Variants in PUS10 observed in about 807,000 individuals in gnomAD.
The protein encoded by PUS10 is tRNA pseudouridine synthase Pus10.
PUS10 carries 59 observed loss-of-function variants against 75.0 expected under a neutral mutation model. The ratio of observed to expected loss-of-function variants is 0.79; its 90% CI spans 0.64 to 0.98. PUS10 has a LOEUF of 0.98. Among genes scored for constraint, PUS10 ranks in the 50% least tolerant of loss-of-function variants. The pLI is 0.00. For synonymous variants in PUS10, 219 were observed against 211.6 expected, an observed-to-expected ratio of 1.03 and a Z score of -0.30; for missense variants, 650 against 614.4, an observed-to-expected ratio of 1.06 and a Z score of -0.61.
chr2:60,992,343 T>A (rs891609679), intron 4 of PUS10, among the ~76,000 whole-genome samples: 13 of 151,492 alleles, frequency 8.6e-5, no homozygotes, highest in East Asian at 3.9e-4. Context: ...TGTCTACATT[T>A]AAAAAAAAAT....
At chr2:61,014,296 T>G (rs1365706965) in intron 1 of PUS10, among the ~76,000 whole-genome samples, 3 of 151,900 alleles carry the variant, frequency 2.0e-5, no homozygotes, top group African/African-American at 7.3e-5. Flanking sequence ...GAGAATCACT[T>G]GAACCCCAGG....
intron 4 of PUS10, among the ~76,000 whole-genome samples, chr2:60,985,251 G>A (rs1677645038): frequency 6.6e-6 from 1 of 152,008 alleles, no homozygotes; most frequent in Non-Finnish European, 1.5e-5. Context: ...ATATTTGCTT[G>A]GGTACTATTA....
intron 4 of PUS10, among the ~76,000 whole-genome samples, chr2:60,987,226 G>A (rs77825553): frequency 1.3e-5 from 2 of 152,284 alleles, no homozygotes; most frequent in East Asian, 1.9e-4. Flanking sequence ...TGTGCAAGAC[G>A]TAATGAATGA....
chr2:60,992,357 T>A (rs1186020390), intron 4 of PUS10, among the ~76,000 whole-genome samples: 1 of 152,114 alleles, frequency 6.6e-6, no homozygotes, highest in Non-Finnish European at 1.5e-5. Context: ...AAAAAATGTT[T>A]TGGAATACAA....
At chr2:61,007,793 A>G (rs906208876) in intron 3 of PUS10, among the ~76,000 whole-genome samples, 1 of 151,380 alleles carries the variant, frequency 6.6e-6, no homozygotes, top group African/African-American at 2.4e-5. Flanking sequence ...AACAGAAAAA[A>G]AAAAGAATTT....
chr2:61,006,694 A>G, intron 3 of PUS10, 51 bp from the exon 4 acceptor site: 2 of 1,386,408 alleles, frequency 1.4e-6, no homozygotes, highest in South Asian at 2.4e-5. Flanking sequence ...TGAAAATATT[A>G]CTTACCCTAA....
At chr2:60,946,306 T>C (rs187111169) in intron 16 of PUS10, among the ~76,000 whole-genome samples, 235 of 152,346 alleles carry the variant, frequency 1.5e-3, no homozygotes, top group Non-Finnish European at 2.8e-3. Context: ...AAGGTATATA[T>C]AAAGTAAATT....
chr2:60,972,073 T>C (rs1003355207), intron 4 of PUS10, among the ~76,000 whole-genome samples: 2 of 148,898 alleles, frequency 1.3e-5, no homozygotes, highest in African/African-American at 4.9e-5. Context: ...TTCACCATGT[T>C]GGCCAGGCTG....
intron 1 of PUS10, among the ~76,000 whole-genome samples, chr2:61,016,804 C>T (rs568802512): frequency 1.3e-5 from 2 of 152,292 alleles, no homozygotes; most frequent in East Asian, 1.9e-4. Flanking sequence ...GACTGAGTCT[C>T]ATATCCTAAG....
intron 3 of PUS10, among the ~76,000 whole-genome samples, chr2:61,006,975 G>C (rs1463214822): frequency 6.6e-6 from 1 of 151,930 alleles, no homozygotes; most frequent in East Asian, 1.9e-4. Context: ...CAAACAAAAG[G>C]CAATCCCACA....
At chr2:60,974,248 GCT>G (rs1488958960) in intron 4 of PUS10, among the ~76,000 whole-genome samples, 1 of 118,932 alleles carries the variant, frequency 8.4e-6, no homozygotes, top group Non-Finnish European at 1.6e-5. Context: ...ATGGAGTCTT[GCT>G]CTGTCACCAG....
At position 61,008,903 on chromosome 2, in the gene PUS10, A is replaced by G. The variant is rs554460023; in HGVS notation, c.239T>C (p.Ile80Thr). ...KIRLQELEDS[I>T]DNLSQNGEGR... ...CTCTCCATTTTGACTTAGATTATCA[A>G]TACTATCTTCCAGTTCTTGCAGTCG... Residue 80 changes from isoleucine (I) to threonine (T), a missense_variant, in exon 3 of 18, where the codon ATT becomes ACT. Coordinates refer to ENST00000316752, the MANE Select transcript of PUS10 (RefSeq NM_144709.4). 5.0e-6 allele frequency: 8 copies of G among 1,613,962 alleles called. No individual in the cohort carries two copies. Among genetic ancestry groups the G allele is most frequent in the Admixed American group, 3.3e-5 (2 of 60,020 alleles).
At chr2:60,971,446 G>A (rs1676656181) in intron 5 of PUS10, 77 bp downstream of exon 5, 1 of 1,249,302 alleles carries the variant, frequency 8.0e-7, no homozygotes, top group African/African-American at 1.5e-5. Flanking sequence ...AATAGAGATT[G>A]TAGTAGTAAA....
intron 4 of PUS10, among the ~76,000 whole-genome samples, chr2:60,976,759 A>G (rs900087066): frequency 6.6e-6 from 1 of 152,240 alleles, no homozygotes; most frequent in Non-Finnish European, 1.5e-5. Flanking sequence ...AATTGTTACC[A>G]CAAGCTAATA....
intron 6 of PUS10, chr2:60,965,869 A>C (rs1353742436): frequency 6.2e-6 from 1 of 160,112 alleles, no homozygotes; most frequent in Admixed American, 6.4e-5. Flanking sequence ...GGCAAAAAAC[A>C]TACTATTCAG....
chr2:60,946,647 T>C (rs146846033), intron 16 of PUS10, among the ~76,000 whole-genome samples: 235 of 152,312 alleles, frequency 1.5e-3, no homozygotes, highest in African/African-American at 5.5e-3. Flanking sequence ...ATTACAAAAT[T>C]TAGAAGATTT....
chr2:60,948,116 C>T lies in PUS10; in HGVS notation c.1378G>A (p.Val460Ile), dbSNP rs377687971. ...TACTGTGTCTCCATGAAGTGAATGA[C>T]GCGAGCTCGCACAGCCAGGGGCCTT... ...HRRPLAVRAR[V>I]IHFMETQYVD... Residue 460 changes from valine (V) to isoleucine (I), a missense_variant, in exon 16 of 18, where the codon GTC becomes ATC. By Grantham distance (29) the Val-to-Ile change is conservative. Transcript: ENST00000316752. The T allele has an allele frequency of 1.9e-6, 3 of 1,614,074 alleles. No homozygotes were observed. Among genetic ancestry groups the T allele is most frequent in the Non-Finnish European group, 2.5e-6 (3 of 1,180,018 alleles).
chr2:61,000,574 C>T (rs1678788649), intron 4 of PUS10, among the ~76,000 whole-genome samples: 1 of 152,164 alleles, frequency 6.6e-6, no homozygotes, highest in South Asian at 2.1e-4. Flanking sequence ...CATCTGCATT[C>T]CTTGGCTCAT....
In PUS10 at chr2:61,008,896, A is replaced by G; in HGVS notation, c.246T>C (p.Asn82=). ...TCCTTCCCTCTCCATTTTGACTTAG[A>G]TTATCAATACTATCTTCCAGTTCTT... ...RLQELEDSID[N]LSQNGEGRIS... Residue 82 remains asparagine, a synonymous_variant, in exon 3 of 18, where the codon AAT becomes AAC. Coordinates refer to ENST00000316752, the MANE Select transcript of PUS10 (RefSeq NM_144709.4). The G allele has an allele frequency of 6.2e-7, 1 of 1,613,948 alleles. No homozygotes were observed.
Sources: allele counts gnomAD v4.1 joint callset (sites outside exome capture counted in the v4.1 genomes callset), GRCh38; gene constraint gnomAD v4.1.1; transcripts MANE v1.5; gene names NCBI Gene and HGNC (gene_info 2026-07-23, HGNC 2026-07-21).